The following ZNF254 variants were observed in gnomAD, a reference collection of about 807,000 sequenced individuals.
The protein encoded by ZNF254 is CTD-2017D11.1.
In ZNF254, 10 loss-of-function variants were observed where a neutral mutation model predicts 12.4. That is an observed-to-expected ratio of 0.80 (90% CI 0.50 to 1.36). The LOEUF (loss-of-function observed/expected upper bound fraction) is 1.36. Ranked by LOEUF, ZNF254 falls within the 40% of genes most tolerant of loss-of-function variation. ZNF254 has a pLI of 0.00. For missense variants in ZNF254, 996 were observed against 763.9 expected, an observed-to-expected ratio of 1.30 and a Z score of -3.58; for synonymous variants, 305 against 253.4, an observed-to-expected ratio of 1.20 and a Z score of -1.93.
intron 1 of ZNF254, among the ~76,000 whole-genome samples, chr19:24,098,084 G>T (rs1296332533): frequency 6.6e-6 from 1 of 152,000 alleles, no homozygotes; most frequent in Non-Finnish European, 1.5e-5. Flanking sequence ...TAGTTTTTGA[G>T]CTGAATTATA....
chr19:24,092,924 C>T (rs900363870), intron 1 of ZNF254, among the ~76,000 whole-genome samples: 1 of 152,222 alleles, frequency 6.6e-6, no homozygotes, highest in East Asian at 1.9e-4. Flanking sequence ...TACACTTTAA[C>T]AGCAGTGTAT....
At chr19:24,085,993 G>A (rs1972024152), upstream of ZNF254, among the ~76,000 whole-genome samples, 1 of 151,858 alleles carries the variant, frequency 6.6e-6, no homozygotes. Context: ...GATTACCTGA[G>A]GCCAAGAGTT....
intron 3 of ZNF254, among the ~76,000 whole-genome samples, chr19:24,121,386 C>T (rs1166648794): frequency 6.6e-6 from 1 of 151,962 alleles, no homozygotes; most frequent in Non-Finnish European, 1.5e-5. Flanking sequence ...GCATATGCCA[C>T]CATACATCTG....
chr19:24,040,209 A>G (rs189385139), intron 1 of ZNF254, among the ~76,000 whole-genome samples: 1 of 152,282 alleles, frequency 6.6e-6, no homozygotes, highest in East Asian at 1.9e-4. Flanking sequence ...TAATTACAGG[A>G]GATCAGACTC....
intron 1 of ZNF254, among the ~76,000 whole-genome samples, chr19:24,099,670 G>T (rs1972895433): frequency 6.6e-6 from 1 of 152,164 alleles, no homozygotes; most frequent in African/African-American, 2.4e-5. Context: ...AGCATACATG[G>T]ATGGCCTCCC....
chr19:24,096,207 T>A (rs933316747), intron 1 of ZNF254, among the ~76,000 whole-genome samples: 1 of 151,874 alleles, frequency 6.6e-6, no homozygotes, highest in African/African-American at 2.4e-5. Context: ...TACAGGCATG[T>A]GCCACCATGC....
intron 3 of ZNF254, among the ~76,000 whole-genome samples, chr19:24,120,167 T>C (rs572211244): frequency 6.6e-6 from 1 of 152,068 alleles, no homozygotes; most frequent in Non-Finnish European, 1.5e-5. Flanking sequence ...GAAAACTGCC[T>C]TATAAAGCCT....
intron 3 of ZNF254, among the ~76,000 whole-genome samples, chr19:24,125,735 C>A (rs1438097455): frequency 6.6e-6 from 1 of 152,160 alleles, no homozygotes; most frequent in African/African-American, 2.4e-5. Flanking sequence ...AGTCTCTCTG[C>A]TGCTGTAACA....
At chr19:24,068,004 C>A (rs1044910725) in intron 2 of ZNF254, among the ~76,000 whole-genome samples, 1 of 152,176 alleles carries the variant, frequency 6.6e-6, no homozygotes, top group Non-Finnish European at 1.5e-5. Context: ...CATCTTTTGG[C>A]TGGACCTTTC....
At chr19:24,060,964 C>T (rs966925398) in intron 2 of ZNF254, among the ~76,000 whole-genome samples, 1 of 152,166 alleles carries the variant, frequency 6.6e-6, no homozygotes, top group African/African-American at 2.4e-5. Flanking sequence ...TTGACTCCTG[C>T]CTGGGCCCTA....
chr19:24,129,873 T>A lies in ZNF254; in HGVS notation c.*1893T>A, dbSNP rs549946011. 1 of 152,180 alleles carries A rather than the reference T, an allele frequency of 6.6e-6. No homozygotes were observed. The highest frequency in any genetic ancestry group is 1.5e-5 in the Non-Finnish European group (1 of 67,978). 9.4% of individuals were successfully genotyped at this position (152,180 alleles called of 1,614,324 possible). ...TTTAATATATTTTTCTTTGAATATG[T>A]GACCTTTGCCTGCAAGCACATATGG... On this transcript the variant is annotated 3_prime_UTR_variant, in exon 4 of 4. Transcript: ENST00000357002.
chr19:24,110,919 G>A (rs1973633953), intron 3 of ZNF254, among the ~76,000 whole-genome samples: 1 of 151,046 alleles, frequency 6.6e-6, no homozygotes, highest in African/African-American at 2.4e-5. Context: ...AGCTTAAGAT[G>A]CAGGGTGAAT....
upstream of ZNF254, among the ~76,000 whole-genome samples, chr19:24,083,491 G>T (rs187579032): frequency 2.0e-3 from 307 of 152,144 alleles, 1 homozygote; most frequent in African/African-American, 7.2e-3. Context: ...AAAAGAACCT[G>T]CATAGACAAA....
At chr19:24,037,366 T>C (rs1404868660) in intron 1 of ZNF254, among the ~76,000 whole-genome samples, 2 of 152,228 alleles carry the variant, frequency 1.3e-5, no homozygotes, top group Admixed American at 6.5e-5. Flanking sequence ...GTCTTCATCC[T>C]TGAAAATAAA....
chr19:24,108,506 A>G (rs776907337), intron 3 of ZNF254, among the ~76,000 whole-genome samples: 4 of 152,106 alleles, frequency 2.6e-5, no homozygotes, highest in Non-Finnish European at 4.4e-5. Flanking sequence ...AAAGGCATTT[A>G]TTTTTGATCT....
chr19:24,042,372 C>T (rs531811090), intron 1 of ZNF254, among the ~76,000 whole-genome samples: 441 of 152,286 alleles, frequency 2.9e-3, no homozygotes, highest in Non-Finnish European at 4.7e-3. Context: ...GCAGGCTGCC[C>T]GAGCCAGCAT....
intron 2 of ZNF254, among the ~76,000 whole-genome samples, chr19:24,057,278 C>A (rs141310008): frequency 6.4e-4 from 97 of 152,274 alleles, no homozygotes; most frequent in African/African-American, 2.2e-3. Flanking sequence ...CATGTGGATG[C>A]AGTGCAGAGT....
rs977584626 is a variant in ZNF254 at position 24,128,266 on chromosome 19, G to A, written c.*286G>A. ...TGCTCACACCCTATTGCACAGGAAA[G>A]CATTTATACTTGAGAAGAAATGTAC... On this transcript the variant is annotated 3_prime_UTR_variant, in exon 4 of 4. Transcript: ENST00000357002. The A allele has an allele frequency of 9.4e-6, 3 of 317,746 alleles. No homozygotes were observed. The highest frequency in any genetic ancestry group is 1.7e-5 in the Non-Finnish European group (3 of 175,500). The allele number at this position is 317,746 out of a possible 1,614,324, so 19.7% of individuals were successfully genotyped here. A position where few individuals can be genotyped will look rare whatever the true frequency, so the allele number is the denominator to read the frequency against.
chr19:24,128,223 G>A lies in ZNF254; in HGVS notation c.*243G>A, dbSNP rs565019868. On this transcript the variant is annotated 3_prime_UTR_variant, in exon 4 of 4. Coordinates refer to ENST00000357002, the MANE Select transcript of ZNF254 (RefSeq NM_203282.4). ...GGAGAAAACTACCAGTGTGAACAACGTGGCCAAGCTTCGACAATGCTCACA... is the reference window on the plus strand; with the variant it reads ...GGAGAAAACTACCAGTGTGAACAACATGGCCAAGCTTCGACAATGCTCACA... The A allele has an allele frequency of 7.0e-6, 3 of 427,408 alleles. No homozygotes were observed. Among genetic ancestry groups the A allele is most frequent in the Non-Finnish European group, 1.2e-5 (3 of 246,966 alleles). The allele number at this position is 427,408 out of a possible 1,614,324, so 26.5% of individuals were successfully genotyped here.
Sources: gnomAD v4.1 joint callset for allele counts (sites outside exome capture counted in the v4.1 genomes callset) on GRCh38, gnomAD v4.1.1 for gene constraint, MANE v1.5 for transcripts, NCBI Gene and HGNC (gene_info 2026-07-23, HGNC 2026-07-21) for gene names.